The following OVCH1 variants were observed in gnomAD, a reference collection of about 807,000 sequenced individuals.
OVCH1 encodes ovochymase-1.
In OVCH1, 139 loss-of-function variants were observed where a neutral mutation model predicts 138.4. The observed-to-expected ratio is 1.00, with a 90% CI of 0.87 to 1.16. The LOEUF (loss-of-function observed/expected upper bound fraction) is 1.16. Ranked by LOEUF, OVCH1 falls within the 50% of genes most tolerant of loss-of-function variation. The probability of loss-of-function intolerance (pLI) is 0.00; values close to 1 mark genes in which losing one functional copy is unlikely to be tolerated. For synonymous variants in OVCH1, 453 were observed against 467.8 expected, an observed-to-expected ratio of 0.97 and a Z score of 0.41; for missense variants, 1,367 against 1,357.9, an observed-to-expected ratio of 1.01 and a Z score of -0.11.
chr12:29,449,798 A>G (rs1050040125), intron 22 of OVCH1, among the ~76,000 whole-genome samples: 2 of 152,140 alleles, frequency 1.3e-5, no homozygotes, highest in African/African-American at 4.8e-5. Flanking sequence ...ACAGCATGGT[A>G]CTGGTACCAA....
At chr12:29,495,443 T>G in exon 4 of OVCH1, 1 of 1,612,954 alleles carries the variant, frequency 6.2e-7, no homozygotes, top group Non-Finnish European at 8.5e-7. Flanking sequence ...CACAGTTATA[T>G]TCTTCAGCTG....
chr12:29,438,313 A>G (rs925393988), intron 26 of OVCH1, among the ~76,000 whole-genome samples: 2 of 152,130 alleles, frequency 1.3e-5, no homozygotes, highest in East Asian at 3.8e-4. Flanking sequence ...TTCTTCTGAT[A>G]GTTTTAATTA....
At chr12:29,407,449 G>T in the OVCH1 span, among the ~76,000 whole-genome samples, 3 of 151,102 alleles carry the variant, frequency 2.0e-5, no homozygotes, top group Admixed American at 2.0e-4. Flanking sequence ...GCTCTAATGT[G>T]TAAGTCTTTA....
chr12:29,472,352 TAGC>T (rs1158208766), intron 15 of OVCH1, among the ~76,000 whole-genome samples: 4 of 152,210 alleles, frequency 2.6e-5, no homozygotes, highest in African/African-American at 7.2e-5. Context: ...TCAAGTTTGT[TAGC>T]AGAGTACATA....
chr12:29,490,891 C>A (rs548039189), intron 5 of OVCH1, among the ~76,000 whole-genome samples: 1 of 152,276 alleles, frequency 6.6e-6, no homozygotes, highest in African/African-American at 2.4e-5. Flanking sequence ...TCTGCCATAC[C>A]AAATTGGCAG....
chr12:29,429,911 C>CCTTA lies in OVCH1; in HGVS notation c.3328-2267_3328-2264dup, dbSNP rs138730296. 3.3e-3 allele frequency among the ~76,000 whole-genome samples: 510 copies of CCTTA among 152,312 alleles called. 1 individual carries two copies. Among genetic ancestry groups the CCTTA allele is most frequent in the African/African-American group, 0.011 (465 of 41,568 alleles). ...TCATTGCTTCTTGGTATCCACAGAT[C>CCTTA]CTTACTTATGTTTAAATGACTTCTG... On this transcript the variant is annotated intron_variant, in intron 27 of 27. Transcript: ENST00000318184.
At chr12:29,469,354 G>GA (rs1237765751) in intron 16 of OVCH1, among the ~76,000 whole-genome samples, 1 of 152,034 alleles carries the variant, frequency 6.6e-6, no homozygotes, top group African/African-American at 2.4e-5. Context: ...TAAACTGAGG[G>GA]ACATAGGGAT....
At chr12:29,446,054 ACTT>A (rs1368206295) in intron 22 of OVCH1, among the ~76,000 whole-genome samples, 2 of 152,134 alleles carry the variant, frequency 1.3e-5, no homozygotes, top group African/African-American at 4.8e-5. Context: ...CATCCCAGAT[ACTT>A]CTTTTCTCCT....
chr12:29,405,056 A>AAAAAAAAAC, the OVCH1 span, among the ~76,000 whole-genome samples: 1 of 112,010 alleles, frequency 8.9e-6, no homozygotes, highest in African/African-American at 3.1e-5. Flanking sequence ...AAAAAAAAAA[A>AAAAAAAAAC]CAAAAGAAAT....
chr12:29,487,695 G>A, exon 7 of OVCH1: 1 of 1,589,140 alleles, frequency 6.3e-7, no homozygotes, highest in Non-Finnish European at 8.6e-7. Context: ...TCACCTACCT[G>A]TGAACAGGTT....
chr12:29,443,253 A>G, intron 25 of OVCH1, 108 bp downstream of exon 25: 1 of 1,060,174 alleles, frequency 9.4e-7, no homozygotes, highest in Non-Finnish European at 1.3e-6. Context: ...TCCTATAAGA[A>G]GAGACTAGTG....
At chr12:29,486,292 G>A in exon 8 of OVCH1, 1 of 1,613,790 alleles carries the variant, frequency 6.2e-7, no homozygotes, top group Non-Finnish European at 8.5e-7. Flanking sequence ...ACAGAACTCA[G>A]GGCCTTTGTT....
In OVCH1 at chr12:29,439,326, AC is replaced by A; in HGVS notation, c.3264+1del. 1.3e-6 allele frequency: 2 copies of A among 1,507,552 alleles called. No homozygotes were observed. Among genetic ancestry groups the A allele is most frequent in the South Asian group, 1.4e-5 (1 of 72,404 alleles). 93.4% of individuals were successfully genotyped at this position (1,507,552 alleles called of 1,614,324 possible). On this transcript the variant is annotated splice_donor_variant, in intron 26 of 27. Coordinates refer to ENST00000318184, the Ensembl canonical transcript of OVCH1. LOFTEE classifies it high-confidence loss of function. ...TTCTAATCACCTCTTTGAGTTACTCACCACTGAATTTTCCCATATATGCATG... is the reference window on the plus strand; with the variant it reads ...TTCTAATCACCTCTTTGAGTTACTCACACTGAATTTTCCCATATATGCATG...
At chr12:29,450,208 A>G (rs1375732643) in intron 22 of OVCH1, among the ~76,000 whole-genome samples, 1 of 152,138 alleles carries the variant, frequency 6.6e-6, no homozygotes, top group African/African-American at 2.4e-5. Flanking sequence ...AGCAAAAGAA[A>G]CTCATCAGAG....
chr12:29,471,220 A>G (rs935180505), intron 16 of OVCH1, among the ~76,000 whole-genome samples: 2 of 152,206 alleles, frequency 1.3e-5, no homozygotes, highest in African/African-American at 4.8e-5. Context: ...CAAATATATT[A>G]TGTATATTAT....
the OVCH1 span, among the ~76,000 whole-genome samples, chr12:29,405,837 G>T: frequency 6.6e-6 from 1 of 152,102 alleles, no homozygotes; most frequent in East Asian, 1.9e-4. Flanking sequence ...CTTTTGACTT[G>T]ACTTTGCCGA....
At chr12:29,464,874 C>T in intron 17 of OVCH1, 172 bp from the exon 18 acceptor site, 1 of 674,320 alleles carries the variant, frequency 1.5e-6, no homozygotes, top group South Asian at 2.1e-5. Flanking sequence ...TTGCAGGGGG[C>T]TATGAACCAC....
chr12:29,496,777 T>A (rs1010438808), intron 1 of OVCH1, 103 bp from the exon 2 acceptor site: 2 of 779,582 alleles, frequency 2.6e-6, no homozygotes, highest in African/African-American at 3.5e-5. Flanking sequence ...ACAGACATTC[T>A]GATAGCACTT....
exon 6 of OVCH1, chr12:29,489,647 G>C: frequency 1.9e-6 from 3 of 1,608,348 alleles, no homozygotes; most frequent in Non-Finnish European, 2.5e-6. Context: ...CCCAATCAGG[G>C]AAGCCAGCAC....
Sources: gnomAD v4.1 joint callset for allele counts (sites outside exome capture counted in the v4.1 genomes callset) on GRCh38, gnomAD v4.1.1 for gene constraint, MANE v1.5 for transcripts, NCBI Gene and HGNC (gene_info 2026-07-23, HGNC 2026-07-21) for gene names.